Variants in FAM13A observed in about 807,000 individuals in gnomAD.
The protein encoded by FAM13A is family with sequence similarity 13 member A, also known as protein FAM13A.
FAM13A carries 76 observed loss-of-function variants against 129.6 expected under a neutral mutation model. The observed-to-expected ratio is 0.59, with a 90% CI of 0.49 to 0.71. The LOEUF is 0.71. Among genes scored for constraint, FAM13A ranks in the 30% least tolerant of loss-of-function variants. The pLI is 0.00. For missense variants in FAM13A, 1,108 were observed against 1,249.3 expected (o/e 0.89, Z 1.70); for synonymous variants, 443 against 449.9 (o/e 0.98, Z 0.20).
intron 10 of FAM13A, among the ~76,000 whole-genome samples, chr4:88,781,848 G>T (rs9992125): frequency 0.66 from 97,486 of 148,766 alleles, 32,328 homozygotes; most frequent in Middle Eastern, 0.76. Context: ...TGTGGGGTGG[G>T]GGGAGCGGGG....
chr4:89,030,093 AT>A (rs1240071208), intron 1 of FAM13A, among the ~76,000 whole-genome samples: 9 of 152,136 alleles, frequency 5.9e-5, no homozygotes, highest in Admixed American at 5.9e-4. Flanking sequence ...AGAAAAAAAA[AT>A]TACAATGACC....
chr4:88,787,967 C>A, intron 9 of FAM13A, 35 bp from the exon 10 acceptor site: 1 of 1,572,914 alleles, frequency 6.4e-7, no homozygotes, highest in South Asian at 1.1e-5. Context: ...TTCAAGCAGT[C>A]AAGTTCATCA....
intron 14 of FAM13A, among the ~76,000 whole-genome samples, chr4:88,755,983 C>G (rs938149223): frequency 9.9e-5 from 15 of 152,208 alleles, no homozygotes; most frequent in African/African-American, 3.1e-4. Context: ...TTAATTTCAT[C>G]AGGACATACT....
intron 6 of FAM13A, among the ~76,000 whole-genome samples, chr4:88,899,673 C>A (rs993198274): frequency 4.6e-5 from 7 of 151,930 alleles, no homozygotes; most frequent in African/African-American, 1.7e-4. Flanking sequence ...ATGAAACATT[C>A]TGGATTAAAG....
intron 1 of FAM13A, among the ~76,000 whole-genome samples, chr4:89,043,663 G>A (rs749466224): frequency 1.7e-4 from 26 of 151,908 alleles, no homozygotes; most frequent in African/African-American, 2.7e-4. Flanking sequence ...AGAAGCAGAC[G>A]GAAACTATAA....
intron 18 of FAM13A, 119 bp from the exon 19 acceptor site, chr4:88,747,134 A>G: frequency 1.5e-6 from 1 of 674,002 alleles, no homozygotes; most frequent in Non-Finnish European, 2.6e-6. Flanking sequence ...AGCTCTCCCT[A>G]GCTCTATCCA....
chr4:88,924,382 C>G (rs1321903346), intron 5 of FAM13A, among the ~76,000 whole-genome samples: 2 of 151,996 alleles, frequency 1.3e-5, no homozygotes, highest in Non-Finnish European at 2.9e-5. Flanking sequence ...CAGAACAGAG[C>G]CCTCAGAAAT....
chr4:88,995,583 C>G (rs1373744039), intron 3 of FAM13A, among the ~76,000 whole-genome samples: 9 of 152,100 alleles, frequency 5.9e-5, no homozygotes, highest in Admixed American at 6.5e-5. Flanking sequence ...ACTCTTGGAC[C>G]CTTGTATTTT....
At chr4:89,048,314 T>A (rs1771123349) in intron 1 of FAM13A, among the ~76,000 whole-genome samples, 1 of 152,188 alleles carries the variant, frequency 6.6e-6, no homozygotes, top group African/African-American at 2.4e-5. Flanking sequence ...GATATGCTAA[T>A]ACATGCTACA....
chr4:88,920,288 G>T (rs190770693), intron 5 of FAM13A, among the ~76,000 whole-genome samples: 1 of 152,274 alleles, frequency 6.6e-6, no homozygotes, highest in East Asian at 1.9e-4. Flanking sequence ...CAGCCTAACT[G>T]GGAGGCACCC....
At chr4:88,922,402 C>G (rs1039676290) in intron 5 of FAM13A, among the ~76,000 whole-genome samples, 21 of 152,068 alleles carry the variant, frequency 1.4e-4, no homozygotes, top group Non-Finnish European at 2.1e-4. Flanking sequence ...GAAACTCACT[C>G]AAAACCGCTC....
At chr4:88,758,943 C>G in intron 13 of FAM13A, 42 bp from the exon 14 acceptor site, 1 of 1,592,702 alleles carries the variant, frequency 6.3e-7, no homozygotes, top group Non-Finnish European at 8.6e-7. Context: ...TACTGCTCAC[C>G]AAAACCCCAA....
At chr4:88,746,080 A>G (rs1741269617) in intron 19 of FAM13A, among the ~76,000 whole-genome samples, 1 of 152,190 alleles carries the variant, frequency 6.6e-6, no homozygotes, top group African/African-American at 2.4e-5. Flanking sequence ...CATATTTTAG[A>G]TGAAAAGACT....
chr4:88,907,965 G>T (rs947293829), intron 5 of FAM13A, among the ~76,000 whole-genome samples: 13 of 152,198 alleles, frequency 8.5e-5, no homozygotes, highest in African/African-American at 3.1e-4. Context: ...GGACCACAAA[G>T]TAGTACACAG....
rs538648415 is a variant in FAM13A, at chr4:88,750,495, A to G, written c.1869T>C (p.Tyr623=). 48 of 1,614,190 alleles carry G rather than the reference A, an allele frequency of 3.0e-5. 1 individual carries two copies. The South Asian group carries it at 4.8e-4, about 16-fold the overall frequency. The stretch of plus-strand genomic sequence containing the variant: ...CATCCAGGTATTGCCTGCTCTGCCC[A>G]TAAGCGTAGAACCGAGGAGAGAGCA... ...DPMLSPRFYA[Y]GQSRQYLDDT... is the part of the protein sequence containing the mutation. Residue 623 remains tyrosine (Y), a synonymous_variant, in exon 15 of 24, where the codon TAT becomes TAC. Coordinates refer to ENST00000264344, the MANE Select transcript of FAM13A (RefSeq NM_014883.4).
chr4:88,855,495 T>C (rs1043347105), intron 6 of FAM13A: 2 of 152,088 alleles, frequency 1.3e-5, no homozygotes, highest in African/African-American at 4.8e-5. Context: ...TTAAATAAGA[T>C]AGTAAAGTAC....
intron 17 of FAM13A, among the ~76,000 whole-genome samples, chr4:88,748,682 A>G (rs2149465208): frequency 6.6e-6 from 1 of 152,332 alleles, no homozygotes; most frequent in South Asian, 2.1e-4. Flanking sequence ...ACAGGTGTTG[A>G]GAGATGCTGA....
chr4:89,007,785 A>C (rs1288190826), intron 3 of FAM13A, among the ~76,000 whole-genome samples: 1 of 152,258 alleles, frequency 6.6e-6, no homozygotes, highest in Non-Finnish European at 1.5e-5. Flanking sequence ...ACATGCTATA[A>C]GCACTTTCTT....
At chr4:88,989,838 C>G (rs1050562182) in intron 4 of FAM13A, 1 of 152,158 alleles carries the variant, frequency 6.6e-6, no homozygotes, top group Non-Finnish European at 1.5e-5. Context: ...TTTACAAATT[C>G]ATTTTTACCT....
Sources: allele counts gnomAD v4.1 joint callset (sites outside exome capture counted in the v4.1 genomes callset), GRCh38; gene constraint gnomAD v4.1.1; transcripts MANE v1.5; gene names NCBI Gene and HGNC (gene_info 2026-07-23, HGNC 2026-07-21).